GRID1: variants seen among roughly 807,000 people sequenced by gnomAD.
The protein encoded by GRID1 is glutamate receptor ionotropic, delta-1.
GRID1 carries 28 observed loss-of-function variants against 98.0 expected under a neutral mutation model. The ratio of observed to expected loss-of-function variants is 0.29; its 90% confidence interval spans 0.21 to 0.39. GRID1 has a LOEUF of 0.39. Ranked by LOEUF, GRID1 falls within the 10% of genes least tolerant of loss-of-function variation. The pLI is 1.00. For missense variants in GRID1, 1,111 were observed against 1,340.5 expected (o/e 0.83, Z 2.67); for synonymous variants, 553 against 538.5 (o/e 1.03, Z -0.37).
At chr10:85,678,383 T>C (rs951158821) in intron 12 of GRID1, among the ~76,000 whole-genome samples, 1 of 152,172 alleles carries the variant, frequency 6.6e-6, no homozygotes, top group Admixed American at 6.5e-5. Context: ...CAAAGACACA[T>C]TCAAAGAGAA....
At chr10:86,207,746 C>T (rs1846052019) in intron 2 of GRID1, among the ~76,000 whole-genome samples, 1 of 151,052 alleles carries the variant, frequency 6.6e-6, no homozygotes, top group South Asian at 2.1e-4. Context: ...ATTCTCCTGC[C>T]TCAGCCTCCC....
chr10:86,253,658 C>T (rs964670783), intron 2 of GRID1, among the ~76,000 whole-genome samples: 2 of 152,152 alleles, frequency 1.3e-5, no homozygotes, highest in African/African-American at 2.4e-5. Context: ...GGCCAGGCCC[C>T]GAGGGCATCA....
intron 8 of GRID1, among the ~76,000 whole-genome samples, chr10:85,812,983 C>T (rs1842686014): frequency 6.6e-6 from 1 of 151,490 alleles, no homozygotes; most frequent in South Asian, 2.1e-4. Flanking sequence ...AGCATGGAAA[C>T]TCATGTATTG....
chr10:85,662,630 G>A (rs923932951), intron 12 of GRID1, among the ~76,000 whole-genome samples: 4 of 152,204 alleles, frequency 2.6e-5, no homozygotes, highest in Non-Finnish European at 5.9e-5. Flanking sequence ...CAGGGAAGAA[G>A]CCATGTTCCC....
chr10:85,989,288 G>C (rs1842649865), intron 4 of GRID1, among the ~76,000 whole-genome samples: 1 of 152,210 alleles, frequency 6.6e-6, no homozygotes, highest in Non-Finnish European at 1.5e-5. Context: ...TGAGGGGAAG[G>C]CTTTCCCTGG....
intron 2 of GRID1, among the ~76,000 whole-genome samples, chr10:86,306,008 C>A (rs2132084929): frequency 6.6e-6 from 1 of 152,258 alleles, no homozygotes; most frequent in Non-Finnish European, 1.5e-5. Context: ...GATCAGTGCC[C>A]CAACATCTAC....
At chr10:85,638,307 G>A (rs1490382326) in intron 13 of GRID1, among the ~76,000 whole-genome samples, 2 of 152,010 alleles carry the variant, frequency 1.3e-5, no homozygotes, top group African/African-American at 2.4e-5. Context: ...ATGTAATAAC[G>A]ATCAAAATCT....
chr10:85,959,359 C>A (rs974593328), intron 4 of GRID1, among the ~76,000 whole-genome samples: 1 of 152,218 alleles, frequency 6.6e-6, no homozygotes, highest in Non-Finnish European at 1.5e-5. Flanking sequence ...GGGAACAAGA[C>A]GAGGTGCAGC....
intron 2 of GRID1, among the ~76,000 whole-genome samples, chr10:86,221,118 C>T (rs1846248518): frequency 6.6e-6 from 1 of 152,308 alleles, no homozygotes; most frequent in African/African-American, 2.4e-5. Flanking sequence ...ACCATCTCAG[C>T]CCCCAGGTGC....
chr10:86,212,965 C>G (rs1159096834), intron 2 of GRID1, among the ~76,000 whole-genome samples: 1 of 152,108 alleles, frequency 6.6e-6, no homozygotes, highest in African/African-American at 2.4e-5. Context: ...CTGGAGTGAG[C>G]TGGCTCTCCC....
intron 6 of GRID1, among the ~76,000 whole-genome samples, chr10:85,861,336 G>A (rs1024792083): frequency 5.9e-5 from 9 of 152,162 alleles, no homozygotes; most frequent in Non-Finnish European, 1.3e-4. Flanking sequence ...CTGAGCACCC[G>A]TGTACATGTC....
chr10:85,815,373 C>A (rs182372655), intron 8 of GRID1, among the ~76,000 whole-genome samples: 9 of 152,070 alleles, frequency 5.9e-5, no homozygotes, highest in Admixed American at 3.3e-4. Flanking sequence ...TAATCACCAT[C>A]ATATTGGAAG....
intron 2 of GRID1, among the ~76,000 whole-genome samples, chr10:86,331,093 C>T (rs759975847): frequency 6.6e-6 from 1 of 152,254 alleles, no homozygotes; most frequent in Non-Finnish European, 1.5e-5. Flanking sequence ...ATGGCACATG[C>T]AGGAGGCATC....
chr10:85,991,947 T>A (rs1163654217), intron 4 of GRID1, among the ~76,000 whole-genome samples: 1 of 151,894 alleles, frequency 6.6e-6, no homozygotes, highest in Non-Finnish European at 1.5e-5. Context: ...TAGGAAGAGA[T>A]CAGTAATGCA....
At position 86,353,297 on chromosome 10, in the gene GRID1, G is replaced by A. The variant is rs746172194; in HGVS notation, c.235+10644C>T. Among the ~76,000 whole-genome samples, 3 of 152,276 alleles carry A rather than the reference G, an allele frequency of 2.0e-5. No individual in the cohort carries two copies. In the South Asian group the frequency reaches 6.2e-4, roughly 31 times the overall value. ...ACCTCCCAACTGGGACCTCACGTGA[G>A]TCCAGGAGGAGTCTGAGGGGGCCAG... On this transcript the variant is annotated intron_variant, in intron 2 of 15. Transcript: ENST00000327946.
At chr10:85,732,226 G>A (rs1841834220) in intron 8 of GRID1, among the ~76,000 whole-genome samples, 1 of 152,170 alleles carries the variant, frequency 6.6e-6, no homozygotes, top group Admixed American at 6.5e-5. Flanking sequence ...TACTTCTCCT[G>A]GGTGTAGGTG....
chr10:86,171,918 G>A (rs1214507829), intron 3 of GRID1, among the ~76,000 whole-genome samples: 1 of 151,976 alleles, frequency 6.6e-6, no homozygotes, highest in Non-Finnish European at 1.5e-5. Context: ...CGGCATGCCA[G>A]GAAATACGTT....
At chr10:86,317,201 C>T (rs190142914) in intron 2 of GRID1, among the ~76,000 whole-genome samples, 34 of 152,270 alleles carry the variant, frequency 2.2e-4, no homozygotes, top group African/African-American at 6.5e-4. Flanking sequence ...TCTGCATAGC[C>T]GCCCCTTTGT....
At chr10:85,957,516 C>T (rs1470097506) in intron 4 of GRID1, among the ~76,000 whole-genome samples, 2 of 152,202 alleles carry the variant, frequency 1.3e-5, no homozygotes, top group African/African-American at 4.8e-5. Context: ...GGGATAATCC[C>T]CCCAGACTAC....
Sources: gnomAD v4.1 joint callset for allele counts (sites outside exome capture counted in the v4.1 genomes callset) on GRCh38, gnomAD v4.1.1 for gene constraint, MANE v1.5 for transcripts, NCBI Gene and HGNC (gene_info 2026-07-23, HGNC 2026-07-21) for gene names.